Variants in PSMD11 observed in about 807,000 individuals in gnomAD.
PSMD11 encodes proteasome 26S subunit, non-ATPase 11.
Under a neutral mutation model 62.3 loss-of-function variants are expected in PSMD11, and 5 were observed. The observed-to-expected ratio is 0.08, with a 90% CI of 0.04 to 0.17. PSMD11 has a LOEUF of 0.17. Ranked by LOEUF, PSMD11 falls within the 10% of genes least tolerant of loss-of-function variation. The probability of loss-of-function intolerance (pLI) is 1.00; values close to 1 mark genes in which losing one functional copy is unlikely to be tolerated. For synonymous variants in PSMD11, 191 were observed against 191.8 expected, an observed-to-expected ratio of 1.00 and a Z score of 0.03; for missense variants, 310 against 512.9, an observed-to-expected ratio of 0.60 and a Z score of 3.82.
chr17:32,455,085 C>T (rs1191213153), intron 3 of PSMD11, among the ~76,000 whole-genome samples: 1 of 152,106 alleles, frequency 6.6e-6, no homozygotes, highest in East Asian at 1.9e-4. Context: ...TGTATGTGTC[C>T]CACAAGTTCA....
rs748695236 is a variant in PSMD11, at chr17:32,477,596, T to C, written c.912+13T>C. The C allele has an allele frequency of 4.1e-5, 66 of 1,599,908 alleles. No individual in the cohort carries two copies. Among genetic ancestry groups the C allele is most frequent in the Admixed American group, 6.7e-5 (4 of 59,388 alleles). On this transcript the variant is annotated intron_variant, in intron 9 of 13. Coordinates refer to ENST00000261712, the MANE Select transcript of PSMD11 (RefSeq NM_002815.4). ...AGATTTTGAAAAGGTGAGTATGATA[T>C]TGGGTTGGTATGGAATGTGAGTGGA...
intron 6 of PSMD11, among the ~76,000 whole-genome samples, chr17:32,472,905 C>T (rs959742701): frequency 5.0e-4 from 75 of 150,280 alleles, no homozygotes; most frequent in African/African-American, 1.7e-3. Context: ...CCTGTAATCC[C>T]AGCACTTTGG....
intron 9 of PSMD11, among the ~76,000 whole-genome samples, chr17:32,478,691 C>T (rs1246556522): frequency 1.3e-5 from 2 of 152,196 alleles, no homozygotes; most frequent in Non-Finnish European, 1.5e-5. Context: ...TGGAATTCAG[C>T]ATTTCCTATT....
At chr17:32,450,604 A>G (rs1046382560) in intron 2 of PSMD11, among the ~76,000 whole-genome samples, 2 of 152,002 alleles carry the variant, frequency 1.3e-5, no homozygotes, top group African/African-American at 4.8e-5. Context: ...ATCTGGTCAT[A>G]TAATTACAGA....
At chr17:32,456,820 C>T (rs1021752803) in intron 3 of PSMD11, among the ~76,000 whole-genome samples, 18 of 151,972 alleles carry the variant, frequency 1.2e-4, no homozygotes, top group African/African-American at 1.5e-4. Flanking sequence ...CGTGAGCCAC[C>T]GTGCCTGGCC....
intron 12 of PSMD11, 92 bp from the exon 13 acceptor site, chr17:32,480,397 A>G: frequency 6.6e-7 from 1 of 1,516,586 alleles, no homozygotes; most frequent in South Asian, 1.1e-5. Flanking sequence ...TCTTTTCTGG[A>G]CACAGTGAGT....
chr17:32,459,684 G>T (rs568016815), intron 3 of PSMD11, among the ~76,000 whole-genome samples: 1 of 152,072 alleles, frequency 6.6e-6, no homozygotes, highest in South Asian at 2.1e-4. Context: ...TTTTCTTTTT[G>T]AGATGGAGTC....
At chr17:32,470,262 C>T (rs1908126503) in intron 6 of PSMD11, among the ~76,000 whole-genome samples, 1 of 151,770 alleles carries the variant, frequency 6.6e-6, no homozygotes, top group Non-Finnish European at 1.5e-5. Flanking sequence ...ACCTTGGCCT[C>T]TCAAAGTGCT....
intron 3 of PSMD11, among the ~76,000 whole-genome samples, chr17:32,459,063 C>G (rs1907731180): frequency 6.9e-6 from 1 of 144,434 alleles, no homozygotes. Flanking sequence ...CCACTGCACT[C>G]CAGCCCGGGC....
rs950541626 is a variant in PSMD11 at position 32,481,498 on chromosome 17, C to T, written c.*746C>T. 5 of 139,318 alleles carry T rather than the reference C, an allele frequency of 3.6e-5. No homozygotes were observed. Among genetic ancestry groups the T allele is most frequent in the Admixed American group, 2.2e-4 (3 of 13,706 alleles). The allele number at this position is 139,318 out of a possible 1,614,324, so 8.6% of individuals were successfully genotyped here. A position where few individuals can be genotyped will look rare whatever the true frequency, so the allele number is the denominator to read the frequency against. On this transcript the variant is annotated 3_prime_UTR_variant, in exon 14 of 14. Transcript: ENST00000261712. Reference sequence around the variant, plus strand: ...CTTAGCCCCCAAGGGGCCTGCTATGCATGTGGCTTTTTTTTTTTTTTTAAA... The same window carrying T: ...CTTAGCCCCCAAGGGGCCTGCTATGTATGTGGCTTTTTTTTTTTTTTTAAA...
chr17:32,472,853 T>C (rs1908208168), intron 6 of PSMD11, among the ~76,000 whole-genome samples: 1 of 150,702 alleles, frequency 6.6e-6, no homozygotes, highest in African/African-American at 2.4e-5. Context: ...TTTTTTTTTT[T>C]TTTTTTTAAG....
intron 12 of PSMD11, 39 bp downstream of exon 12, chr17:32,480,236 T>C: frequency 6.3e-7 from 1 of 1,588,764 alleles, no homozygotes; most frequent in South Asian, 1.1e-5. Flanking sequence ...CTGGTGGTGG[T>C]GATGAGATGG....
chr17:32,471,204 C>G (rs1428795845), intron 6 of PSMD11, among the ~76,000 whole-genome samples: 1 of 152,124 alleles, frequency 6.6e-6, no homozygotes, highest in African/African-American at 2.4e-5. Context: ...TTAGATGCCT[C>G]CCAAGCTTGG....
intron 3 of PSMD11, among the ~76,000 whole-genome samples, chr17:32,457,818 C>A (rs538442788): frequency 6.7e-6 from 1 of 149,484 alleles, no homozygotes; most frequent in Non-Finnish European, 1.5e-5. Context: ...TTTTTTTCCC[C>A]GAGATGGAGT....
intron 3 of PSMD11, among the ~76,000 whole-genome samples, 161 bp from the exon 4 acceptor site, chr17:32,463,888 A>G (rs1460332333): frequency 1.3e-5 from 2 of 152,238 alleles, no homozygotes; most frequent in African/African-American, 4.8e-5. Flanking sequence ...TTGATGCTCC[A>G]TTATGATATA....
chr17:32,461,986 G>C (rs2150833680), intron 3 of PSMD11, among the ~76,000 whole-genome samples: 1 of 152,304 alleles, frequency 6.6e-6, no homozygotes, highest in South Asian at 2.1e-4. Context: ...TTACCCGTCA[G>C]TTCACCTTAG....
chr17:32,464,067 T>G lies in PSMD11; in HGVS notation c.337T>G (p.Cys113Gly), dbSNP rs1391413206. The G allele has an allele frequency of 6.2e-7, 1 of 1,614,006 alleles. No homozygotes were observed. Among genetic ancestry groups the G allele is most frequent in the Non-Finnish European group, 8.5e-7 (1 of 1,179,996 alleles). ...ATTGCAGGTCGAGCTGTGTTTAGAG[T>G]GCATCGAATGGGCCAAGTCAGAGAA... ...TGQEVELCLECIEWAKSEKRT... is the reference protein window; with the variant it reads ...TGQEVELCLEGIEWAKSEKRT... The change falls in exon 4 of 14, where the codon TGC becomes GGC. Residue 113 changes from cysteine (C) to glycine (G), a missense_variant. Coordinates refer to ENST00000261712, the MANE Select transcript of PSMD11 (RefSeq NM_002815.4).
rs1480735999 is a variant in PSMD11, at chr17:32,454,534, A to G, written c.233A>G (p.Asn78Ser). 8.7e-6 allele frequency: 14 copies of G among 1,614,014 alleles called. No homozygotes were observed. Among genetic ancestry groups the G allele is most frequent in the Non-Finnish European group, 1.2e-5 (14 of 1,179,900 alleles). ...CTGAAGTATGTACGACCCTTCTTGA[A>G]TTCCATCAGCAAGGCTAAAGCAGCT... is the stretch of plus-strand genomic sequence containing the variant. ...GLLKYVRPFL[N>S]SISKAKAARL... Residue 78 changes from asparagine to serine, a missense_variant, in exon 3 of 14, where the codon AAT becomes AGT. By Grantham distance (46) the Asn-to-Ser change is conservative. Coordinates refer to ENST00000261712, the MANE Select transcript of PSMD11 (RefSeq NM_002815.4).
intron 1 of PSMD11, among the ~76,000 whole-genome samples, chr17:32,446,547 C>T (rs1034392258): frequency 9.8e-5 from 15 of 152,288 alleles, no homozygotes; most frequent in African/African-American, 3.6e-4. Context: ...GTGGCATAAA[C>T]GCACAGGCAT....
Sources: allele counts gnomAD v4.1 joint callset (sites outside exome capture counted in the v4.1 genomes callset), GRCh38; gene constraint gnomAD v4.1.1; transcripts MANE v1.5; gene names NCBI Gene and HGNC (gene_info 2026-07-23, HGNC 2026-07-21).